The following DIO2 variants were observed in gnomAD, a reference collection of about 807,000 sequenced individuals.
DIO2 encodes the protein type II iodothyronine deiodinase.
In DIO2, 19 loss-of-function variants were observed where a neutral mutation model predicts 21.4. That is an observed-to-expected ratio of 0.89 (90% confidence interval 0.62 to 1.30). The LOEUF is 1.30. DIO2 is among the 50% of genes most tolerant of loss of function. The pLI, the probability that DIO2 is intolerant of heterozygous loss-of-function variation, is 0.00. For missense variants in DIO2, 302 were observed against 338.1 expected (o/e 0.89, Z 0.84); for synonymous variants, 122 against 132.9 (o/e 0.92, Z 0.57).
chr14:80,211,488 A>T lies in DIO2; in HGVS notation c.-16T>A. The stretch of plus-strand genomic sequence containing the variant: ...GGATGCCCATCTTCTCTGCCTCCTG[A>T]GTCAGTTCCCTTGTGCGCTCTGGTT... On this transcript the variant is annotated 5_prime_UTR_variant, in exon 1 of 2. Transcript: ENST00000438257. 1 of 1,439,862 alleles carries T rather than the reference A, an allele frequency of 6.9e-7. No homozygotes were observed. The allele number at this position is 1,439,862 out of a possible 1,614,324, so 89.2% of individuals were successfully genotyped here.
chr14:80,227,700 T>C (rs1888604022), intron 2 of DIO2, among the ~76,000 whole-genome samples: 2 of 152,200 alleles, frequency 1.3e-5, no homozygotes, highest in African/African-American at 4.8e-5. Context: ...TGTTGGGTCA[T>C]ATGGCCCAAG....
chr14:80,210,205 A>AG (rs1237499089), intron 1 of DIO2, among the ~76,000 whole-genome samples: 1 of 152,082 alleles, frequency 6.6e-6, no homozygotes, highest in South Asian at 2.1e-4. Flanking sequence ...AGCCTGGTTG[A>AG]GGGGGTGGAG....
upstream of DIO2, among the ~76,000 whole-genome samples, chr14:80,214,717 A>G (rs10144099): frequency 0.16 from 24,224 of 152,052 alleles, 2,662 homozygotes; most frequent in East Asian, 0.31. Flanking sequence ...ACAATTGCTC[A>G]TTCCAGTTAT....
intron 1 of DIO2, among the ~76,000 whole-genome samples, chr14:80,205,051 CACTA>C (rs1204849407): frequency 6.6e-6 from 1 of 152,050 alleles, no homozygotes; most frequent in Non-Finnish European, 1.5e-5. Flanking sequence ...TTGCAAATGA[CACTA>C]GATGGAGAAA....
intron 1 of DIO2, among the ~76,000 whole-genome samples, chr14:80,205,999 C>T (rs1292024208): frequency 6.6e-6 from 1 of 152,222 alleles, no homozygotes; most frequent in African/African-American, 2.4e-5. Context: ...TCATAGAGTA[C>T]TACCAAAATC....
chr14:80,212,379 G>T (rs1031747875), upstream of DIO2, among the ~76,000 whole-genome samples: 3 of 151,792 alleles, frequency 2.0e-5, no homozygotes, highest in Admixed American at 6.6e-5. Flanking sequence ...GTGGAATTTT[G>T]CTTTGTGATT....
upstream of DIO2, among the ~76,000 whole-genome samples, chr14:80,214,064 G>A (rs1298858181): frequency 2.0e-5 from 3 of 152,148 alleles, no homozygotes; most frequent in African/African-American, 7.2e-5. Context: ...AAAAAAGAAA[G>A]AACAAAGGCA....
chr14:80,216,757 C>A (rs1421906729), intron 2 of DIO2: 2 of 152,024 alleles, frequency 1.3e-5, no homozygotes, highest in African/African-American at 4.8e-5. Flanking sequence ...ATGCAGTAGA[C>A]CAAAAGAAAC....
rs755772856 is a variant in DIO2, at chr14:80,200,518, G to C, written c.*2171C>G. The C allele has an allele frequency of 2.6e-5, 4 of 152,226 alleles. No individual in the cohort carries two copies. Among genetic ancestry groups the C allele is most frequent in the Admixed American group, 6.6e-5 (1 of 15,258 alleles). 9.4% of individuals were successfully genotyped at this position (152,226 alleles called of 1,614,324 possible). ...CAACAGTGTGAATGTGCTGCAACCA[G>C]GTTTTTTATTTTACTGCTTTAGGGT... On this transcript the variant is annotated 3_prime_UTR_variant, in exon 2 of 2. Transcript: ENST00000438257.
At position 80,203,368 on chromosome 14, in the gene DIO2, A is replaced by G. The variant is rs190440469; in HGVS notation, c.223-80T>C. ...TAAACACATTGCCACTTGAATTCACATTAAATAGTTACAATTGGCTCTAAT... is the reference window on the plus strand; with the variant it reads ...TAAACACATTGCCACTTGAATTCACGTTAAATAGTTACAATTGGCTCTAAT... On this transcript the variant is annotated intron_variant, in intron 1 of 1. Transcript: ENST00000438257. 164 of 1,422,512 alleles carry G rather than the reference A, an allele frequency of 1.2e-4. 1 individual carries two copies. The highest frequency in any genetic ancestry group is 8.1e-4 in the Middle Eastern group (4 of 4,952). 88.1% of individuals were successfully genotyped at this position (1,422,512 alleles called of 1,614,324 possible). A position where few individuals can be genotyped will look rare whatever the true frequency, so the allele number is the denominator to read the frequency against.
chr14:80,215,145 A>G (rs1029259519), upstream of DIO2, among the ~76,000 whole-genome samples: 2 of 152,192 alleles, frequency 1.3e-5, no homozygotes, highest in African/African-American at 4.8e-5. Flanking sequence ...AGTTAAATGC[A>G]AACCAACGAG....
intron 1 of DIO2, chr14:80,206,175 T>C: frequency 8.8e-7 from 1 of 1,136,054 alleles, no homozygotes; most frequent in Non-Finnish European, 1.2e-6. Context: ...CAAGAGAAAA[T>C]GCATAGATAA....
chr14:80,205,557 A>C, intron 1 of DIO2: 1 of 1,250,444 alleles, frequency 8.0e-7, no homozygotes, highest in East Asian at 5.6e-5. Context: ...TATTCAACTG[A>C]ATAATCTAAT....
intron 2 of DIO2, among the ~76,000 whole-genome samples, chr14:80,228,663 C>A (rs1439467309): frequency 6.6e-6 from 1 of 152,144 alleles, no homozygotes. Context: ...GGCAGGGAGC[C>A]AATGTGGGGG....
intron 2 of DIO2, among the ~76,000 whole-genome samples, chr14:80,217,257 G>A (rs1354422406): frequency 6.6e-6 from 1 of 152,160 alleles, no homozygotes; most frequent in Admixed American, 6.5e-5. Flanking sequence ...TTATGAAAAT[G>A]TTATCAGTGG....
At chr14:80,226,121 G>T (rs899819809) in intron 2 of DIO2, among the ~76,000 whole-genome samples, 1 of 152,180 alleles carries the variant, frequency 6.6e-6, no homozygotes, top group Non-Finnish European at 1.5e-5. Context: ...TCTCGGCCAT[G>T]TGAGAAAGAG....
At position 80,202,551 on chromosome 14, in the gene DIO2, G is replaced by A; in HGVS notation, c.*138C>T. ...TAGTGAAAGAAGTATGGAGCTGTTA[G>A]AGATTCATGTTCTTCCGATAGATAA... On this transcript the variant is annotated 3_prime_UTR_variant, in exon 2 of 2. Coordinates refer to ENST00000438257, the MANE Select transcript of DIO2 (RefSeq NM_013989.5). The A allele has an allele frequency of 1.1e-6, 1 of 894,424 alleles. No individual in the cohort carries two copies. The highest frequency in any genetic ancestry group is 1.7e-6 in the Non-Finnish European group (1 of 596,068). The allele number at this position is 894,424 out of a possible 1,614,324, so 55.4% of individuals were successfully genotyped here. A position where few individuals can be genotyped will look rare whatever the true frequency, so the allele number is the denominator to read the frequency against.
chr14:80,226,316 G>A (rs1038238138), intron 2 of DIO2, among the ~76,000 whole-genome samples: 15 of 152,170 alleles, frequency 9.9e-5, no homozygotes, highest in African/African-American at 2.2e-4. Context: ...TTCCATGAGC[G>A]TGAGCCCACT....
Position 80,201,635 on chromosome 14 carries a change from A to G in DIO2, c.*1054T>C, listed in dbSNP as rs1429247203. 1 of 152,250 alleles carries G rather than the reference A, an allele frequency of 6.6e-6. No individual in the cohort carries two copies. Among genetic ancestry groups the G allele is most frequent in the African/African-American group, 2.4e-5 (1 of 41,446 alleles). The allele number at this position is 152,250 out of a possible 1,614,324, so 9.4% of individuals were successfully genotyped here. On this transcript the variant is annotated 3_prime_UTR_variant, in exon 2 of 2. Transcript: ENST00000438257. ...TGGGGAGGAAAAGACCAGCACCACC[A>G]GACCCACTGGTTTTCCTTTAATAGG...
Sources: gnomAD v4.1 joint callset for allele counts (sites outside exome capture counted in the v4.1 genomes callset) on GRCh38, gnomAD v4.1.1 for gene constraint, MANE v1.5 for transcripts, NCBI Gene and HGNC (gene_info 2026-07-23, HGNC 2026-07-21) for gene names.